LAMA2: variants seen among roughly 807,000 people sequenced by gnomAD.
LAMA2 encodes the protein laminin subunit alpha-2.
LAMA2 carries 269 observed loss-of-function variants against 364.8 expected under a neutral mutation model. The ratio of observed to expected loss-of-function variants is 0.74; its 90% CI spans 0.67 to 0.82. LAMA2 has a LOEUF of 0.82. Ranked by LOEUF, LAMA2 falls within the 40% of genes least tolerant of loss-of-function variation. The pLI is 0.00. For synonymous variants in LAMA2, 1,379 were observed against 1,370.6 expected (o/e 1.01, Z -0.14); for missense variants, 3,807 against 3,873.2 (o/e 0.98, Z 0.45).
At chr6:129,237,931 G>A (rs2115147442) in intron 12 of LAMA2, among the ~76,000 whole-genome samples, 1 of 151,712 alleles carries the variant, frequency 6.6e-6, no homozygotes, top group Middle Eastern at 3.4e-3. Context: ...GGCTGAGGCA[G>A]GCGAATCCCT....
chr6:129,315,614 C>A lies in LAMA2; in HGVS notation c.3694C>A (p.Pro1232Thr), dbSNP rs201391981. Residue 1232 changes from proline (P) to threonine (T), a missense_variant, in exon 25 of 65, where the codon CCT (proline) becomes ACT (threonine). By Grantham distance (38) the Pro-to-Thr change is conservative. This residue lies in a region of LAMA2 where 3,333 missense variants were observed against 3,345.7 expected (regional missense o/e 1.00). Coordinates refer to ENST00000421865, the MANE Select transcript of LAMA2 (RefSeq NM_000426.4). ...DLMREDLHLEPFYWKLPEQFE... is the reference protein window; with the variant it reads ...DLMREDLHLETFYWKLPEQFE... ...GATGAGAGAAGATCTCCATTTGGAA[C>A]CTTTTTATTGGAAACTTCCAGAACA... is the stretch of plus-strand genomic sequence containing the variant. 25 of 1,614,048 alleles carry A rather than the reference C, an allele frequency of 1.5e-5. No individual in the cohort carries two copies. The Admixed American group carries it at 4.2e-4, about 27-fold the overall frequency.
chr6:128,934,177 A>C (rs191255573), intron 1 of LAMA2, among the ~76,000 whole-genome samples: 15 of 152,356 alleles, frequency 9.8e-5, no homozygotes, highest in South Asian at 6.2e-4. Flanking sequence ...TCCCCAATAC[A>C]GTTTATTGAA....
Position 129,387,542 on chromosome 6 carries a change from AC to A in LAMA2, c.5072-3945del, listed in dbSNP as rs1779083233. On this transcript the variant is annotated intron_variant, in intron 35 of 64. Coordinates refer to ENST00000421865, the MANE Select transcript of LAMA2 (RefSeq NM_000426.4). ...ACCAGAAATACCATTTGACCCAGCA[AC>A]CCCATAACTGGGTATATACCCAAAG... Among the ~76,000 whole-genome samples, 3 of 152,294 alleles carry A rather than the reference AC, an allele frequency of 2.0e-5. No homozygotes were observed. The South Asian group carries it at 6.2e-4, about 32-fold the overall frequency.
At chr6:129,300,911 G>A in intron 22 of LAMA2, 39 bp downstream of exon 22, 2 of 1,608,338 alleles carry the variant, frequency 1.2e-6, no homozygotes, top group South Asian at 1.1e-5. Context: ...ATTTTTTGGA[G>A]AGATTTTTGT....
At chr6:128,998,102 C>G (rs544845026) in intron 1 of LAMA2, among the ~76,000 whole-genome samples, 2 of 151,766 alleles carry the variant, frequency 1.3e-5, no homozygotes, top group South Asian at 4.2e-4. Context: ...GTGCCTGATG[C>G]GGAGAGGAGG....
At chr6:128,956,064 C>A (rs562348069) in intron 1 of LAMA2, among the ~76,000 whole-genome samples, 31 of 152,012 alleles carry the variant, frequency 2.0e-4, no homozygotes, top group Non-Finnish European at 2.1e-4. Context: ...GCAATTCACA[C>A]AATTCACAAT....
At chr6:129,121,474 C>A (rs1326572557) in intron 4 of LAMA2, among the ~76,000 whole-genome samples, 1 of 152,044 alleles carries the variant, frequency 6.6e-6, no homozygotes, top group African/African-American at 2.4e-5. Context: ...GCTAGCATAT[C>A]TAGTTGTATC....
At chr6:129,162,663 A>C (rs1180221901) in intron 8 of LAMA2, among the ~76,000 whole-genome samples, 1 of 151,940 alleles carries the variant, frequency 6.6e-6, no homozygotes, top group Non-Finnish European at 1.5e-5. Flanking sequence ...CATAGCCATT[A>C]TTTGTTTCTT....
At chr6:129,256,136 G>A (rs1457323894) in intron 14 of LAMA2, among the ~76,000 whole-genome samples, 5 of 152,202 alleles carry the variant, frequency 3.3e-5, no homozygotes, top group Admixed American at 6.5e-5. Context: ...ACCTGAAATA[G>A]TATCTAACAT....
At chr6:129,193,677 G>T (rs1010133680) in intron 12 of LAMA2, among the ~76,000 whole-genome samples, 2 of 152,160 alleles carry the variant, frequency 1.3e-5, no homozygotes, top group African/African-American at 4.8e-5. Context: ...CACACCAGAA[G>T]GTGTGATGGG....
intron 3 of LAMA2, among the ~76,000 whole-genome samples, chr6:129,081,084 T>C (rs1255992947): frequency 6.6e-6 from 1 of 152,176 alleles, no homozygotes; most frequent in Non-Finnish European, 1.5e-5. Flanking sequence ...AGAGTTCATG[T>C]CCTTTGTAGG....
chr6:129,264,534 T>C (rs1229357865), intron 15 of LAMA2, among the ~76,000 whole-genome samples: 1 of 152,060 alleles, frequency 6.6e-6, no homozygotes, highest in Non-Finnish European at 1.5e-5. Context: ...TTGGAAGGCG[T>C]CATAAACTAT....
Position 129,192,743 on chromosome 6 carries a change from C to A in LAMA2, c.1672C>A (p.Gln558Lys), listed in dbSNP as rs1781597268. The change falls in exon 12 of 65, where the codon CAG (glutamine) becomes AAG (lysine). Residue 558 changes from glutamine (Q) to lysine (K), a missense_variant. By Grantham distance (53) the Gln-to-Lys change is moderately conservative. This residue lies in a region of LAMA2 where 3,333 missense variants were observed against 3,345.7 expected (regional missense o/e 1.00). Coordinates refer to ENST00000421865, the MANE Select transcript of LAMA2 (RefSeq NM_000426.4). The part of the protein sequence containing the change: ...LPGRIRVAPQ[Q>K]DDLDSPQQIS... ...TGGCCGCATTCGAGTGGCTCCCCAG[C>A]AGGACGACTTGGACTCACCTCAGCA... 3 of 1,614,032 alleles carry A rather than the reference C, an allele frequency of 1.9e-6. No homozygotes were observed. In the Admixed American group the frequency reaches 5.0e-5, roughly 27 times the overall value.
intron 18 of LAMA2, among the ~76,000 whole-genome samples, chr6:129,285,872 C>T (rs1338139191): frequency 2.0e-5 from 3 of 151,986 alleles, no homozygotes; most frequent in African/African-American, 7.2e-5. Flanking sequence ...TTCTTCTAAG[C>T]AGTATTTATA....
At chr6:129,399,718 T>G (rs2437086) in intron 37 of LAMA2, among the ~76,000 whole-genome samples, 92,648 of 151,950 alleles carry the variant, frequency 0.61, 28,570 homozygotes, top group African/African-American at 0.7. Context: ...ATAGTGGGAA[T>G]ATCTGCAAGT....
chr6:129,353,690 G>C (rs936057104), intron 32 of LAMA2, among the ~76,000 whole-genome samples: 3 of 152,264 alleles, frequency 2.0e-5, no homozygotes, highest in Admixed American at 6.5e-5. Context: ...CTTTGTGACA[G>C]ATTAAAGATG....
chr6:129,225,515 G>A (rs1241335383), intron 12 of LAMA2, among the ~76,000 whole-genome samples: 1 of 152,204 alleles, frequency 6.6e-6, no homozygotes, highest in African/African-American at 2.4e-5. Flanking sequence ...ATGTGTCCCA[G>A]AGATTCTGGT....
chr6:129,437,777 T>C (rs1230601277), intron 41 of LAMA2, among the ~76,000 whole-genome samples: 1 of 152,010 alleles, frequency 6.6e-6, no homozygotes, highest in Non-Finnish European at 1.5e-5. Context: ...ATATTTGCAG[T>C]TTAATGCATA....
At position 128,928,301 on chromosome 6, in the gene LAMA2, GT is replaced by G. The variant is rs1323047519; in HGVS notation, c.112+44947del. On this transcript the variant is annotated intron_variant, in intron 1 of 64. Transcript: ENST00000421865. ...TTTAATTTATTCAGAAATCAAACAT[GT>G]TTAATTAGGTTCACTGCTCTGGCAG... Among the ~76,000 whole-genome samples, 6 of 152,338 alleles carry G rather than the reference GT, an allele frequency of 3.9e-5. No homozygotes were observed. The East Asian group carries it at 1.2e-3, about 29-fold the overall frequency.
Sources: gnomAD v4.1 joint callset for allele counts (sites outside exome capture counted in the v4.1 genomes callset) on GRCh38, gnomAD v4.1.1 for gene constraint, gnomAD v4.1.1 regional missense constraint, MANE v1.5 for transcripts, NCBI Gene and HGNC (gene_info 2026-07-23, HGNC 2026-07-21) for gene names.